The following CCSER1 variants were observed in gnomAD, a reference collection of about 807,000 sequenced individuals.
CCSER1 encodes serine-rich coiled-coil domain-containing protein 1.
A neutral mutation model predicts 82.0 loss-of-function variants in CCSER1; 41 were observed. The observed-to-expected ratio is 0.50, with a 90% CI of 0.39 to 0.65. The LOEUF is 0.65. CCSER1 is among the 30% of genes least tolerant of loss of function. CCSER1 has a pLI of 0.00. For synonymous variants in CCSER1, 414 were observed against 383.9 expected (o/e 1.08, Z -0.92); for missense variants, 1,119 against 1,064.2 (o/e 1.05, Z -0.72).
At chr4:91,009,985 CT>C (rs1738872694) in intron 9 of CCSER1, among the ~76,000 whole-genome samples, 1 of 152,018 alleles carries the variant, frequency 6.6e-6, no homozygotes, top group African/African-American at 2.4e-5. Context: ...TTACCTTTAC[CT>C]GAGAATTTTT....
At chr4:90,953,586 A>G (rs1733137992) in intron 9 of CCSER1, among the ~76,000 whole-genome samples, 1 of 151,550 alleles carries the variant, frequency 6.6e-6, no homozygotes, top group South Asian at 2.1e-4. Flanking sequence ...TACAATATAT[A>G]AATACACCTA....
intron 10 of CCSER1, among the ~76,000 whole-genome samples, chr4:91,465,890 C>A (rs1756870234): frequency 6.6e-6 from 1 of 152,114 alleles, no homozygotes; most frequent in African/African-American, 2.4e-5. Context: ...AAGTCCAGGA[C>A]CAGATGGATT....
chr4:91,529,350 C>T (rs2110163506), intron 10 of CCSER1, among the ~76,000 whole-genome samples: 1 of 152,108 alleles, frequency 6.6e-6, no homozygotes, highest in South Asian at 2.1e-4. Flanking sequence ...TACTGCAAGA[C>T]CCATGTAGGG....
chr4:90,856,009 A>G (rs977864716), intron 8 of CCSER1, among the ~76,000 whole-genome samples: 1 of 152,298 alleles, frequency 6.6e-6, no homozygotes, highest in Non-Finnish European at 1.5e-5. Flanking sequence ...CAGAGGAAAG[A>G]CAAGGCATTG....
chr4:90,912,263 C>G (rs1726516045), intron 8 of CCSER1, among the ~76,000 whole-genome samples: 1 of 152,210 alleles, frequency 6.6e-6, no homozygotes, highest in Non-Finnish European at 1.5e-5. Flanking sequence ...TGACACCTCA[C>G]AAGAACTGGT....
At chr4:90,539,163 G>A (rs573651303) in intron 5 of CCSER1, among the ~76,000 whole-genome samples, 52 of 151,874 alleles carry the variant, frequency 3.4e-4, no homozygotes, top group Non-Finnish European at 6.5e-4. Context: ...ATACTGTTTT[G>A]CAATATAGTG....
chr4:90,900,203 G>A (rs985151764), intron 8 of CCSER1, among the ~76,000 whole-genome samples: 3 of 147,926 alleles, frequency 2.0e-5, no homozygotes, highest in African/African-American at 5.0e-5. Flanking sequence ...TAGAGGTGGT[G>A]CAGTTCCAGG....
At chr4:90,221,887 TA>T in intron 1 of CCSER1, among the ~76,000 whole-genome samples, 1 of 152,208 alleles carries the variant, frequency 6.6e-6, no homozygotes, top group Non-Finnish European at 1.5e-5. Context: ...TGGCTGCTTT[TA>T]TTACCACTAA....
At chr4:90,424,384 A>G (rs1757237659) in intron 4 of CCSER1, among the ~76,000 whole-genome samples, 1 of 152,126 alleles carries the variant, frequency 6.6e-6, no homozygotes, top group Non-Finnish European at 1.5e-5. Context: ...TCCTTAATAG[A>G]ATCATGTTTG....
At chr4:90,819,412 A>T (rs546608148) in intron 8 of CCSER1, among the ~76,000 whole-genome samples, 1 of 152,330 alleles carries the variant, frequency 6.6e-6, no homozygotes, top group African/African-American at 2.4e-5. Context: ...TAGCAAGTTC[A>T]GTTGTGGAAA....
chr4:90,205,747 G>C (rs1358323687), intron 1 of CCSER1, among the ~76,000 whole-genome samples: 1 of 152,084 alleles, frequency 6.6e-6, no homozygotes, highest in Non-Finnish European at 1.5e-5. Flanking sequence ...TTTTTCTATT[G>C]TTTGGAATAG....
chr4:90,879,083 A>G (rs536015488), intron 8 of CCSER1, among the ~76,000 whole-genome samples: 4 of 152,280 alleles, frequency 2.6e-5, no homozygotes, highest in Admixed American at 6.5e-5. Flanking sequence ...TTGAGCATTC[A>G]GTGTGTTTGA....
chr4:91,302,023 A>C (rs1744708549), intron 10 of CCSER1, among the ~76,000 whole-genome samples: 1 of 151,628 alleles, frequency 6.6e-6, no homozygotes, highest in Admixed American at 6.6e-5. Flanking sequence ...TTCTTTCTTA[A>C]ATGGTGCTCT....
intron 7 of CCSER1, among the ~76,000 whole-genome samples, chr4:90,755,868 C>T (rs1201595281): frequency 6.6e-6 from 1 of 152,150 alleles, no homozygotes; most frequent in African/African-American, 2.4e-5. Context: ...ATTTACACTT[C>T]TAAAGTATAT....
intron 5 of CCSER1, among the ~76,000 whole-genome samples, chr4:90,488,059 G>A (rs1182688128): frequency 6.6e-6 from 1 of 152,190 alleles, no homozygotes; most frequent in Non-Finnish European, 1.5e-5. Flanking sequence ...CAGAAGAAAT[G>A]GGGAAAATTA....
chr4:90,979,299 A>G (rs1735894378), intron 9 of CCSER1, among the ~76,000 whole-genome samples: 1 of 151,708 alleles, frequency 6.6e-6, no homozygotes, highest in Admixed American at 6.6e-5. Flanking sequence ...CATCAAAGAT[A>G]TGATGAATAT....
intron 6 of CCSER1, among the ~76,000 whole-genome samples, chr4:90,670,962 T>G (rs971913553): frequency 3.9e-5 from 6 of 152,086 alleles, no homozygotes; most frequent in African/African-American, 1.4e-4. Flanking sequence ...CACACAATGT[T>G]TGGTTTCCCA....
At chr4:91,236,462 G>A (rs1176146132) in intron 10 of CCSER1, among the ~76,000 whole-genome samples, 1 of 152,070 alleles carries the variant, frequency 6.6e-6, no homozygotes, top group Non-Finnish European at 1.5e-5. Flanking sequence ...CAGCCTGGGT[G>A]ACAGAGCAAG....
At chr4:90,130,194 C>T (rs1271574817) in intron 1 of CCSER1, among the ~76,000 whole-genome samples, 1 of 152,210 alleles carries the variant, frequency 6.6e-6, no homozygotes, top group African/African-American at 2.4e-5. Context: ...CAAAGTACTA[C>T]TGTCTAGGCA....
Sources: allele counts gnomAD v4.1 joint callset (sites outside exome capture counted in the v4.1 genomes callset), GRCh38; gene constraint gnomAD v4.1.1; transcripts MANE v1.5; gene names NCBI Gene and HGNC (gene_info 2026-07-23, HGNC 2026-07-21).